GALNT13: variants seen among roughly 807,000 people sequenced by gnomAD.
GALNT13 encodes the protein UDP-GalNAc:polypeptide N-acetylgalactosaminyltransferase 13.
A neutral mutation model predicts 64.2 loss-of-function variants in GALNT13; 28 were observed. That is an observed-to-expected ratio of 0.44 (90% CI 0.32 to 0.60). The LOEUF (loss-of-function observed/expected upper bound fraction) is 0.60, where lower values mean the gene tolerates loss of function less well. Among genes scored for constraint, GALNT13 ranks in the 20% least tolerant of loss-of-function variants. The pLI, the probability that GALNT13 is intolerant of heterozygous loss-of-function variation, is 0.05. For missense variants in GALNT13, 577 were observed against 669.8 expected (o/e 0.86, Z 1.53); for synonymous variants, 214 against 224.6 (o/e 0.95, Z 0.42).
At chr2:154,154,129 G>C (rs1684254356) in intron 4 of GALNT13, among the ~76,000 whole-genome samples, 1 of 152,074 alleles carries the variant, frequency 6.6e-6, no homozygotes, top group South Asian at 2.1e-4. Flanking sequence ...CTATATTTTT[G>C]TTCCATGTGA....
rs149764189 is a variant in GALNT13 at position 154,217,039 on chromosome 2, C to T, written c.312-24991C>T. On this transcript the variant is annotated intron_variant, in intron 4 of 12. Transcript: ENST00000392825. ...AACCTTTGACTTCAAGTAATCCTTC[C>T]GCCGCAGCTTCCAAAAGCACTAAGA... 5.0e-4 allele frequency among the ~76,000 whole-genome samples: 76 copies of T among 151,476 alleles called. 3 individuals are homozygous for T. In the East Asian group the frequency reaches 9.7e-3, roughly 19 times the overall value.
At chr2:153,706,250 C>T in the GALNT13 span, among the ~76,000 whole-genome samples, 59 of 152,116 alleles carry the variant, frequency 3.9e-4, no homozygotes, top group Non-Finnish European at 7.4e-5. Context: ...CCACCTCGGC[C>T]TTCCAAAGTG....
chr2:154,129,052 A>G (rs761971704), intron 3 of GALNT13, among the ~76,000 whole-genome samples: 3 of 152,120 alleles, frequency 2.0e-5, no homozygotes, highest in Non-Finnish European at 2.9e-5. Flanking sequence ...TTTTAGCATC[A>G]CAGAGATCAG....
At chr2:153,664,558 G>C in the GALNT13 span, among the ~76,000 whole-genome samples, 3 of 152,164 alleles carry the variant, frequency 2.0e-5, no homozygotes, top group African/African-American at 7.2e-5. Flanking sequence ...AAGATGATGG[G>C]ATTAAGAGAT....
At chr2:154,442,321 G>C (rs559959950) in intron 12 of GALNT13, among the ~76,000 whole-genome samples, 1 of 151,994 alleles carries the variant, frequency 6.6e-6, no homozygotes, top group African/African-American at 2.4e-5. Context: ...ATGAAACTAA[G>C]CACATGTTAG....
intron 12 of GALNT13, among the ~76,000 whole-genome samples, chr2:154,441,185 G>C (rs556340041): frequency 1.3e-5 from 2 of 152,090 alleles, no homozygotes; most frequent in Admixed American, 6.6e-5. Context: ...ACTGGTTAAA[G>C]AATGTTACAA....
chr2:154,254,026 T>G (rs746598725), intron 7 of GALNT13, among the ~76,000 whole-genome samples: 1 of 152,108 alleles, frequency 6.6e-6, no homozygotes, highest in Non-Finnish European at 1.5e-5. Flanking sequence ...GGGAAGAGTA[T>G]GTCTTGATTG....
chr2:153,177,879 A>G, the GALNT13 span, among the ~76,000 whole-genome samples: 7 of 152,114 alleles, frequency 4.6e-5, no homozygotes, highest in African/African-American at 1.4e-4. Context: ...ATTCCCCATC[A>G]TACCCCTAGG....
intron 3 of GALNT13, among the ~76,000 whole-genome samples, chr2:154,025,846 AG>A (rs1697920550): frequency 6.6e-6 from 1 of 151,956 alleles, no homozygotes; most frequent in African/African-American, 2.4e-5. Context: ...ACTACTTCCT[AG>A]GGGGTAACTG....
At chr2:154,207,975 C>T (rs2105793245) in intron 4 of GALNT13, among the ~76,000 whole-genome samples, 1 of 152,268 alleles carries the variant, frequency 6.6e-6, no homozygotes, top group African/African-American at 2.4e-5. Flanking sequence ...GATTTACTTC[C>T]TGTAATTCTG....
At chr2:153,530,832 C>G in the GALNT13 span, among the ~76,000 whole-genome samples, 1 of 152,002 alleles carries the variant, frequency 6.6e-6, no homozygotes, top group Non-Finnish European at 1.5e-5. Context: ...AACTGGATAC[C>G]CATATGCAGA....
intron 3 of GALNT13, among the ~76,000 whole-genome samples, chr2:154,119,674 T>C (rs1395581799): frequency 1.3e-5 from 2 of 152,168 alleles, no homozygotes; most frequent in African/African-American, 4.8e-5. Flanking sequence ...TGTTTTCCAC[T>C]CACTGATCCT....
the GALNT13 span, among the ~76,000 whole-genome samples, chr2:153,269,674 A>C: frequency 6.6e-6 from 1 of 152,114 alleles, no homozygotes; most frequent in African/African-American, 2.4e-5. Flanking sequence ...TCGTTTTCAC[A>C]CTGCTATTAA....
chr2:153,910,175 A>C (rs1688845096), intron 2 of GALNT13, among the ~76,000 whole-genome samples: 1 of 151,642 alleles, frequency 6.6e-6, no homozygotes, highest in Non-Finnish European at 1.5e-5. Flanking sequence ...GGGAGGGTAT[A>C]TGTGCTCAGG....
the GALNT13 span, among the ~76,000 whole-genome samples, chr2:153,469,134 T>C: frequency 3.3e-5 from 5 of 152,186 alleles, no homozygotes; most frequent in South Asian, 1.0e-3. Context: ...AAAGAGGATA[T>C]ATTGTCTAAA....
chr2:153,077,795 G>A, the GALNT13 span, among the ~76,000 whole-genome samples: 1 of 152,170 alleles, frequency 6.6e-6, no homozygotes, highest in Non-Finnish European at 1.5e-5. Flanking sequence ...AAGAAGTTTA[G>A]TGTTCTTTTT....
chr2:153,352,539 A>T, the GALNT13 span, among the ~76,000 whole-genome samples: 1 of 152,016 alleles, frequency 6.6e-6, no homozygotes, highest in East Asian at 1.9e-4. Flanking sequence ...CCAATCCCAA[A>T]GTCGTTTAGG....
At chr2:153,946,414 T>C (rs1338926962) in intron 3 of GALNT13, among the ~76,000 whole-genome samples, 1 of 152,294 alleles carries the variant, frequency 6.6e-6, no homozygotes, top group African/African-American at 2.4e-5. Context: ...TTGTTCTCTT[T>C]GTTGATAAGA....
At chr2:154,377,002 A>C (rs1457957301) in intron 9 of GALNT13, among the ~76,000 whole-genome samples, 2 of 152,176 alleles carry the variant, frequency 1.3e-5, no homozygotes, top group Non-Finnish European at 2.9e-5. Context: ...TATTCTTAGT[A>C]CCAGAACCTG....
Sources: gnomAD v4.1 joint callset for allele counts (sites outside exome capture counted in the v4.1 genomes callset) on GRCh38, gnomAD v4.1.1 for gene constraint, MANE v1.5 for transcripts, NCBI Gene and HGNC (gene_info 2026-07-23, HGNC 2026-07-21) for gene names.